EHF: variants seen among roughly 807,000 people sequenced by gnomAD.
EHF encodes ESE3 transcription factor.
Under a neutral mutation model 45.1 loss-of-function variants are expected in EHF, and 14 were observed. The ratio of observed to expected loss-of-function variants is 0.31; its 90% confidence interval spans 0.21 to 0.49. The LOEUF (loss-of-function observed/expected upper bound fraction) is 0.49. EHF is among the 20% of genes least tolerant of loss of function. The probability of loss-of-function intolerance (pLI) is 0.99; values close to 1 mark genes in which losing one functional copy is unlikely to be tolerated. For synonymous variants in EHF, 136 were observed against 131.8 expected, an observed-to-expected ratio of 1.03 and a Z score of -0.22; for missense variants, 282 against 371.4, an observed-to-expected ratio of 0.76 and a Z score of 1.98.
chr11:34,636,693 C>T (rs1390926398), intron 1 of EHF, among the ~76,000 whole-genome samples: 2 of 152,124 alleles, frequency 1.3e-5, no homozygotes, highest in African/African-American at 2.4e-5. Context: ...CAACCCTGGC[C>T]GTTTGAATCA....
intron 2 of EHF, among the ~76,000 whole-genome samples, chr11:34,643,134 A>G (rs1590481224): frequency 6.6e-6 from 1 of 151,956 alleles, no homozygotes; most frequent in East Asian, 1.9e-4. Flanking sequence ...GGAGAGGGTT[A>G]TAGCAGTTCA....
At chr11:34,627,191 T>C (rs1393250553) in intron 1 of EHF, among the ~76,000 whole-genome samples, 1 of 151,658 alleles carries the variant, frequency 6.6e-6, no homozygotes. Context: ...AGAAATGCAA[T>C]AGGGTTTTTA....
intron 1 of EHF, chr11:34,622,481 G>C (rs1852051424): frequency 9.7e-7 from 1 of 1,029,770 alleles, no homozygotes; most frequent in South Asian, 1.6e-5. Context: ...GTGACTGTGT[G>C]TTAATTCCAC....
rs186054171 is a variant in EHF, at chr11:34,625,382, A to C, written c.-4+4154A>C. Among the ~76,000 whole-genome samples the C allele has an allele frequency of 7.9e-5, 12 of 152,310 alleles. No homozygotes were observed. The East Asian group carries it at 2.1e-3, about 27-fold the overall frequency. On this transcript the variant is annotated intron_variant, in intron 1 of 8. Coordinates refer to ENST00000257831, the MANE Select transcript of EHF (RefSeq NM_012153.6). Reference sequence around the variant, plus strand: ...AGGTGCTCTACTGGTGTCTTCTATAAAACGCCAAAGCAGCCCGCCAGAAAA... The same window carrying C: ...AGGTGCTCTACTGGTGTCTTCTATACAACGCCAAAGCAGCCCGCCAGAAAA...
At chr11:34,636,173 T>G (rs1322416843) in intron 1 of EHF, among the ~76,000 whole-genome samples, 2 of 152,224 alleles carry the variant, frequency 1.3e-5, no homozygotes. Flanking sequence ...CAGCAAACAT[T>G]TATCAAATAC....
At chr11:34,645,178 G>A (rs1175300679) in intron 2 of EHF, among the ~76,000 whole-genome samples, 1 of 152,082 alleles carries the variant, frequency 6.6e-6, no homozygotes, top group East Asian at 1.9e-4. Context: ...ATGCTGGTTT[G>A]TCTTTTCCAT....
At chr11:34,633,628 C>T (rs2134025509) in intron 1 of EHF, among the ~76,000 whole-genome samples, 1 of 152,214 alleles carries the variant, frequency 6.6e-6, no homozygotes, top group Non-Finnish European at 1.5e-5. Context: ...CAGAGGCCCA[C>T]AGAAAACAAG....
chr11:34,640,375 C>T (rs975371883), intron 1 of EHF, among the ~76,000 whole-genome samples: 2 of 152,248 alleles, frequency 1.3e-5, no homozygotes, highest in Non-Finnish European at 2.9e-5. Context: ...GAAGCCTTTC[C>T]CTGCCTGTCC....
intron 1 of EHF, among the ~76,000 whole-genome samples, chr11:34,638,627 C>A (rs1349007705): frequency 1.3e-5 from 2 of 152,122 alleles, no homozygotes; most frequent in Non-Finnish European, 2.9e-5. Flanking sequence ...CTGCTGGCAT[C>A]TAGAGGGTAG....
At chr11:34,640,851 C>G (rs16925958) in intron 1 of EHF, among the ~76,000 whole-genome samples, 4,029 of 152,270 alleles carry the variant, frequency 0.026, 186 homozygotes, top group African/African-American at 0.093. Flanking sequence ...TAGTGACGCT[C>G]CTCATGATAA....
chr11:34,650,015 T>C (rs1854983945), intron 4 of EHF, among the ~76,000 whole-genome samples: 1 of 152,256 alleles, frequency 6.6e-6, no homozygotes, highest in East Asian at 1.9e-4. Flanking sequence ...TTGCTAGCCC[T>C]GCCTTTCTCT....
At chr11:34,644,002 A>T (rs1286132818) in intron 2 of EHF, among the ~76,000 whole-genome samples, 1 of 152,202 alleles carries the variant, frequency 6.6e-6, no homozygotes, top group African/African-American at 2.4e-5. Context: ...GGCAGAGAGG[A>T]TGTGAACTCA....
At chr11:34,643,068 ATGTGTG>A (rs780809590) in intron 2 of EHF, among the ~76,000 whole-genome samples, 2 of 144,864 alleles carry the variant, frequency 1.4e-5, no homozygotes, top group African/African-American at 2.5e-5. Flanking sequence ...GAGAAAGGGT[ATGTGTG>A]TGTGTGTGTG....
Position 34,660,973 on chromosome 11 carries a change from AT to A in EHF, c.*2047del, listed in dbSNP as rs1856045936. 1.3e-5 allele frequency: 2 copies of A among 152,152 alleles called. No homozygotes were observed. The highest frequency in any genetic ancestry group is 6.6e-5 in the Admixed American group (1 of 15,250). 9.4% of individuals were successfully genotyped at this position (152,152 alleles called of 1,614,324 possible). On this transcript the variant is annotated 3_prime_UTR_variant, in exon 9 of 9. Coordinates refer to ENST00000257831, the MANE Select transcript of EHF (RefSeq NM_012153.6). ...ACTTTCTGAAGGTGCAACCAAATCC[AT>A]TTTTATTTCTGCCTGGCTTGGTCAC...
intron 6 of EHF, 86 bp downstream of exon 6, chr11:34,651,891 T>C: frequency 7.7e-7 from 1 of 1,304,446 alleles, no homozygotes; most frequent in Non-Finnish European, 1.1e-6. Context: ...ATTTCTGCCT[T>C]TCTGGAGTCT....
chr11:34,639,922 T>A (rs979797063), intron 1 of EHF, among the ~76,000 whole-genome samples: 8 of 152,104 alleles, frequency 5.3e-5, no homozygotes, highest in African/African-American at 1.9e-4. Flanking sequence ...TTCCAGAAGG[T>A]CATGGTGGAA....
At chr11:34,651,492 T>A in intron 4 of EHF, 50 bp from the exon 5 acceptor site, 1 of 1,511,792 alleles carries the variant, frequency 6.6e-7, no homozygotes, top group Non-Finnish European at 9.1e-7. Flanking sequence ...CAGCCTCTTC[T>A]CCCTGGGGAA....
rs760123736 is a variant in EHF at position 34,658,906 on chromosome 11, G to A, written c.878G>A (p.Arg293Gln). 19 of 1,612,974 alleles carry A rather than the reference G, an allele frequency of 1.2e-5. No individual in the cohort carries two copies. The highest frequency in any genetic ancestry group is 5.0e-5 in the Admixed American group (3 of 59,858). Residue 293 changes from arginine to glutamine, a missense_variant, in exon 9 of 9, where the codon CGA becomes CAA. Around this residue, in one of 3 missense-constraint regions of EHF, gnomAD observed 28 missense variants for 37.1 expected, o/e 0.76. Coordinates refer to ENST00000257831, the MANE Select transcript of EHF (RefSeq NM_012153.6). ...RLVYKFGKNARGWRENEN is the reference protein window; with the variant it reads ...RLVYKFGKNAQGWRENEN ...GTATATAAATTTGGGAAGAATGCCCGAGGATGGAGAGAAAATGAAAACTGA... is the reference window on the plus strand; with the variant it reads ...GTATATAAATTTGGGAAGAATGCCCAAGGATGGAGAGAAAATGAAAACTGA...
rs376685280 is a variant in EHF, at chr11:34,651,637, C to T, written c.475+27C>T. 17 of 1,609,562 alleles carry T rather than the reference C, an allele frequency of 1.1e-5. No individual in the cohort carries two copies. In the Middle Eastern group the frequency reaches 5.0e-4, roughly 47 times the overall value. On this transcript the variant is annotated intron_variant, in intron 5 of 8. Transcript: ENST00000257831. ...TAACTAACTCCCTGACACTTAAGGC[C>T]CTTTACATTCTTATTCAGTTTGTCT...
Sources: allele counts gnomAD v4.1 joint callset (sites outside exome capture counted in the v4.1 genomes callset), GRCh38; gene constraint gnomAD v4.1.1; regional missense constraint gnomAD v4.1.1; transcripts MANE v1.5; gene names NCBI Gene and HGNC (gene_info 2026-07-23, HGNC 2026-07-21).